SEC22A: variants seen among roughly 807,000 people sequenced by gnomAD.
SEC22A encodes the protein vesicle-trafficking protein SEC22a.
Under a neutral mutation model 35.3 loss-of-function variants are expected in SEC22A, and 22 were observed. That is an observed-to-expected ratio of 0.62 (90% CI 0.45 to 0.89). The LOEUF is 0.89. Ranked by LOEUF, SEC22A falls within the 40% of genes least tolerant of loss-of-function variation. The pLI is 0.00. For synonymous variants in SEC22A, 119 were observed against 129.5 expected (o/e 0.92, Z 0.55); for missense variants, 354 against 362.5 (o/e 0.98, Z 0.19).
chr3:123,252,794 A>G (rs1937629718), intron 5 of SEC22A, among the ~76,000 whole-genome samples: 1 of 152,212 alleles, frequency 6.6e-6, no homozygotes, highest in Non-Finnish European at 1.5e-5. Context: ...GGATTTATTC[A>G]AATACGTAGC....
intron 3 of SEC22A, 63 bp from the exon 4 acceptor site, chr3:123,225,040 T>C: frequency 9.3e-7 from 1 of 1,071,356 alleles, no homozygotes; most frequent in African/African-American, 1.6e-5. Flanking sequence ...TCCATAAACA[T>C]CATATTCTGA....
chr3:123,206,332 A>T (rs947805922), intron 1 of SEC22A, among the ~76,000 whole-genome samples: 2 of 152,244 alleles, frequency 1.3e-5, no homozygotes, highest in East Asian at 3.9e-4. Flanking sequence ...GGCCTCAAGC[A>T]GTGTTGGGAT....
At chr3:123,244,320 C>A (rs1937549659) in intron 4 of SEC22A, among the ~76,000 whole-genome samples, 1 of 152,250 alleles carries the variant, frequency 6.6e-6, no homozygotes, top group South Asian at 2.1e-4. Context: ...GAATTTCTTC[C>A]CCACAGTGAT....
chr3:123,226,362 T>C (rs1937217728), intron 4 of SEC22A, among the ~76,000 whole-genome samples: 1 of 152,242 alleles, frequency 6.6e-6, no homozygotes, highest in Non-Finnish European at 1.5e-5. Flanking sequence ...CATTCATTAT[T>C]GCCTGTCTTT....
chr3:123,266,330 T>C (rs1938026004), intron 6 of SEC22A, among the ~76,000 whole-genome samples: 1 of 152,154 alleles, frequency 6.6e-6, no homozygotes. Flanking sequence ...ATATGCCTGC[T>C]TTGCATTTAT....
At chr3:123,248,313 CTCTT>C (rs1416188873) in intron 5 of SEC22A, among the ~76,000 whole-genome samples, 2 of 152,144 alleles carry the variant, frequency 1.3e-5, no homozygotes, top group Non-Finnish European at 2.9e-5. Flanking sequence ...ATTGTTAATT[CTCTT>C]TCTATGTAGA....
chr3:123,229,786 C>T (rs528882705), intron 4 of SEC22A, among the ~76,000 whole-genome samples: 4 of 151,724 alleles, frequency 2.6e-5, no homozygotes, highest in South Asian at 4.2e-4. Context: ...TGCTTGAACC[C>T]GGGAGGCGGA....
intron 4 of SEC22A, among the ~76,000 whole-genome samples, chr3:123,232,990 C>T (rs1446736611): frequency 6.6e-6 from 1 of 151,948 alleles, no homozygotes; most frequent in Non-Finnish European, 1.5e-5. Context: ...TAAAAATTAG[C>T]GTGATGGTAT....
chr3:123,204,074 A>G (rs1178774302), intron 1 of SEC22A, among the ~76,000 whole-genome samples: 2 of 152,200 alleles, frequency 1.3e-5, no homozygotes, highest in African/African-American at 4.8e-5. Flanking sequence ...AATATGTACC[A>G]TATTGGTATT....
rs144449353 is a variant in SEC22A at position 123,227,497 on chromosome 3, C to T, written c.541+2200C>T. On this transcript the variant is annotated intron_variant, in intron 4 of 6. Transcript: ENST00000492595. ...GGGAGGGATAGCATTAGGAGAAATA[C>T]CTAATATAGATGATGGGTTGATGGA... Among the ~76,000 whole-genome samples the T allele has an allele frequency of 5.0e-3, 758 of 152,124 alleles. 9 individuals carry two copies. Among genetic ancestry groups the T allele is most frequent in the African/African-American group, 0.017 (723 of 41,484 alleles).
intron 2 of SEC22A, 89 bp downstream of exon 2, chr3:123,209,488 T>A: frequency 2.0e-6 from 2 of 1,014,006 alleles, no homozygotes; most frequent in East Asian, 2.5e-5. Context: ...AAGGAGTGAT[T>A]AGGAAAACCT....
chr3:123,231,881 G>C (rs921059746), intron 4 of SEC22A, among the ~76,000 whole-genome samples: 5 of 152,134 alleles, frequency 3.3e-5, no homozygotes, highest in African/African-American at 1.2e-4. Flanking sequence ...AAAACCAAAA[G>C]TTGGTTCTTT....
chr3:123,219,898 A>G (rs1937092332), intron 2 of SEC22A, among the ~76,000 whole-genome samples: 1 of 152,252 alleles, frequency 6.6e-6, no homozygotes, highest in Non-Finnish European at 1.5e-5. Flanking sequence ...CATCACAAAC[A>G]TAAATGGAAC....
At chr3:123,254,431 C>T (rs1185813985) in intron 5 of SEC22A, among the ~76,000 whole-genome samples, 1 of 152,128 alleles carries the variant, frequency 6.6e-6, no homozygotes, top group East Asian at 1.9e-4. Flanking sequence ...TGTATTGGAA[C>T]TCCTTACCTC....
intron 5 of SEC22A, among the ~76,000 whole-genome samples, chr3:123,255,359 A>G (rs375180622): frequency 1.8e-4 from 28 of 152,178 alleles, no homozygotes; most frequent in South Asian, 1.5e-3. Flanking sequence ...TCCTTTACAT[A>G]GTGGCATTCT....
chr3:123,264,936 C>T (rs751935380), intron 6 of SEC22A, among the ~76,000 whole-genome samples: 34 of 151,970 alleles, frequency 2.2e-4, no homozygotes, highest in Admixed American at 1.2e-3. Flanking sequence ...CGTGAGCCAC[C>T]GAGCCCGGCC....
chr3:123,226,894 G>T (rs944228994), intron 4 of SEC22A, among the ~76,000 whole-genome samples: 9 of 152,112 alleles, frequency 5.9e-5, no homozygotes, highest in Non-Finnish European at 1.2e-4. Flanking sequence ...TTTGTATATG[G>T]CTAGGAAAAC....
chr3:123,209,201 C>T lies in SEC22A; in HGVS notation c.-17C>T. 6.2e-7 allele frequency: 1 copy of T among 1,612,748 alleles called. No individual in the cohort carries two copies. Among genetic ancestry groups the T allele is most frequent in the Non-Finnish European group, 8.5e-7 (1 of 1,179,102 alleles). On this transcript the variant is annotated splice_region_variant and 5_prime_UTR_variant, in exon 2 of 7. Coordinates refer to ENST00000492595, the MANE Select transcript of SEC22A (RefSeq NM_012430.5). ...CCAAATTGTTCATTTTGTTTTAGGT[C>T]TTCTCTGTTGGTTGAAATGTCTATG...
At chr3:123,241,057 C>G (rs1192035085) in intron 4 of SEC22A, among the ~76,000 whole-genome samples, 1 of 148,858 alleles carries the variant, frequency 6.7e-6, no homozygotes, top group Admixed American at 6.7e-5. Flanking sequence ...CCTTCATAAT[C>G]CAACAGGTAT....
Sources: gnomAD v4.1 joint callset for allele counts (sites outside exome capture counted in the v4.1 genomes callset) on GRCh38, gnomAD v4.1.1 for gene constraint, MANE v1.5 for transcripts, NCBI Gene and HGNC (gene_info 2026-07-23, HGNC 2026-07-21) for gene names.